ZNF391: variants seen among roughly 807,000 people sequenced by gnomAD.
ZNF391 encodes the protein zinc finger protein 391.
For synonymous variants in ZNF391, 126 were observed against 142.1 expected, an observed-to-expected ratio of 0.89 and a Z score of 0.80; for missense variants, 375 against 425.5, an observed-to-expected ratio of 0.88 and a Z score of 1.04.
chr6:27,382,571 A>C (rs75169630), intron 1 of ZNF391, among the ~76,000 whole-genome samples: 1,702 of 152,306 alleles, frequency 0.011, 18 homozygotes, highest in African/African-American at 0.025. Context: ...TAGAATTCTC[A>C]TACCAGAAAT....
intron 1 of ZNF391, among the ~76,000 whole-genome samples, chr6:27,381,355 G>A (rs983464887): frequency 3.3e-5 from 5 of 152,244 alleles, no homozygotes; most frequent in South Asian, 2.1e-4. Context: ...CTCCGAGTGC[G>A]GGGCCCACCA....
In ZNF391 at chr6:27,374,864, C is replaced by A. The variant is rs1236220477; in HGVS notation, n.250C>A. On this transcript the variant is annotated non_coding_transcript_exon_variant, in exon 1 of 3. Coordinates refer to the ZNF391 transcript ENST00000477999. This position sits in a 1 kb window ranked among gnomAD's most constrained non-coding sequence, Gnocchi z 5.3. ...GTAGCCACAGTCGCCGCCGCTCCTG[C>A]GCCTAGAAGCCTTCCACGACCCTCA... is the stretch of plus-strand genomic sequence containing the variant. 6.6e-6 allele frequency: 1 copy of A among 152,262 alleles called. No individual in the cohort carries two copies. The highest frequency in any genetic ancestry group is 1.5e-5 in the Non-Finnish European group (1 of 68,102). 9.4% of individuals were successfully genotyped at this position (152,262 alleles called of 1,614,324 possible).
At chr6:27,399,757 A>G (rs1325580277) in intron 2 of ZNF391, among the ~76,000 whole-genome samples, 1 of 152,258 alleles carries the variant, frequency 6.6e-6, no homozygotes. Context: ...TACCTGAAGT[A>G]TAATAATTGG....
chr6:27,403,157 AGT>A lies in ZNF391; in HGVS notation c.*1711_*1712del, dbSNP rs564580134. 17 of 148,602 alleles carry A rather than the reference AGT, an allele frequency of 1.1e-4. No individual in the cohort carries two copies. In the East Asian group the frequency reaches 3.4e-3, roughly 29 times the overall value. The allele number at this position is 148,602 out of a possible 1,614,324, so 9.2% of individuals were successfully genotyped here. On this transcript the variant is annotated 3_prime_UTR_variant, in exon 3 of 3. Coordinates refer to ENST00000244576, the MANE Select transcript of ZNF391 (RefSeq NM_001076781.3). ...AACTACTACTTTGTTAAAAAAAAAT[AGT>A]CGTTTCCCAGTGACCTCTGCCCCAA...
chr6:27,401,270 T>A lies in ZNF391; in HGVS notation c.900T>A (p.Ser300Arg), dbSNP rs377530639. 4.3e-6 allele frequency: 7 copies of A among 1,613,960 alleles called. No individual in the cohort carries two copies. The African/African-American group carries it at 9.3e-5, about 22-fold the overall frequency. ...TTACAGAACATCAGAGAATCCACAG[T>A]GGAGAAAAGCCTCACGAGTGTAGAG... ...SSLTEHQRIH[S>R]GEKPHECRVC... The change falls in exon 3 of 3, where the codon AGT (serine) becomes AGA (arginine). Residue 300 changes from serine (S) to arginine (R), a missense_variant. Coordinates refer to ENST00000244576, the MANE Select transcript of ZNF391 (RefSeq NM_001076781.3).
At chr6:27,381,305 C>T (rs1014492837) in intron 1 of ZNF391, among the ~76,000 whole-genome samples, 1 of 152,256 alleles carries the variant, frequency 6.6e-6, no homozygotes, top group Non-Finnish European at 1.5e-5. Flanking sequence ...CAGCCGCTGG[C>T]CCGGGTGCTA....
In ZNF391 at chr6:27,376,997, T is replaced by C. The variant is rs1288771252; in HGVS notation, n.523+1860T>C. 6.6e-6 allele frequency among the ~76,000 whole-genome samples: 1 copy of C among 152,162 alleles called. No homozygotes were observed. Among genetic ancestry groups the C allele is most frequent in the Non-Finnish European group, 1.5e-5 (1 of 68,034 alleles). Reference sequence around the variant, plus strand: ...AATATTAAATGAGTTAATAATGTAATGGTTGTGAGAACACAACCTGGCAAG... The same window carrying C: ...AATATTAAATGAGTTAATAATGTAACGGTTGTGAGAACACAACCTGGCAAG... On this transcript the variant is annotated intron_variant and non_coding_transcript_variant, in intron 1 of 2. Coordinates refer to the ZNF391 transcript ENST00000477999. This position sits in a 1 kb window ranked among gnomAD's most constrained non-coding sequence, Gnocchi z 4.7.
At chr6:27,396,242 A>T (rs1017986018) in intron 1 of ZNF391, among the ~76,000 whole-genome samples, 1 of 152,236 alleles carries the variant, frequency 6.6e-6, no homozygotes, top group African/African-American at 2.4e-5. Context: ...AAGGAAAGTG[A>T]TTTATAATCG....
chr6:27,402,406 A>C lies in ZNF391; in HGVS notation c.*959A>C, dbSNP rs545115762. On this transcript the variant is annotated 3_prime_UTR_variant, in exon 3 of 3. Transcript: ENST00000244576. ...CACTTTTTGCCACTGTTATGCCTTA[A>C]ATCTTGAGCTTCTTTCAGGATCCAT... The C allele has an allele frequency of 6.6e-6, 1 of 152,100 alleles. No homozygotes were observed. Among genetic ancestry groups the C allele is most frequent in the East Asian group, 1.9e-4 (1 of 5,164 alleles). 9.4% of individuals were successfully genotyped at this position (152,100 alleles called of 1,614,324 possible). A position where few individuals can be genotyped will look rare whatever the true frequency, so the allele number is the denominator to read the frequency against.
In ZNF391 at chr6:27,388,764, G is replaced by C. The variant is rs773733797; in HGVS notation, c.-499G>C. Reference sequence around the variant, plus strand: ...CTGATACGTTGCTCAGTCTCAGTGTGGTCTCTGTTTTGCAACTGGTCGTCC... The same window carrying C: ...CTGATACGTTGCTCAGTCTCAGTGTCGTCTCTGTTTTGCAACTGGTCGTCC... On this transcript the variant is annotated 5_prime_UTR_variant, in exon 1 of 3. Coordinates refer to ENST00000244576, the MANE Select transcript of ZNF391 (RefSeq NM_001076781.3). 2.5e-6 allele frequency: 1 copy of C among 402,228 alleles called. No individual in the cohort carries two copies. The highest frequency in any genetic ancestry group is 4.8e-6 in the Non-Finnish European group (1 of 207,124). The allele number at this position is 402,228 out of a possible 1,614,324, so 24.9% of individuals were successfully genotyped here.
rs548909674 is a variant in ZNF391 at position 27,402,907 on chromosome 6, A to G, written c.*1460A>G. 6.6e-6 allele frequency: 1 copy of G among 152,216 alleles called. No individual in the cohort carries two copies. Among genetic ancestry groups the G allele is most frequent in the Non-Finnish European group, 1.5e-5 (1 of 68,036 alleles). 9.4% of individuals were successfully genotyped at this position (152,216 alleles called of 1,614,324 possible). On this transcript the variant is annotated 3_prime_UTR_variant, in exon 3 of 3. Transcript: ENST00000244576. ...ACACCTGCCAGAAATCTTGTTTTTG[A>G]TTGATATAAAACATCACAAAGTACT...
At position 27,400,998 on chromosome 6, in the gene ZNF391, C is replaced by T. The variant is rs1425783470; in HGVS notation, c.628C>T (p.Gln210Ter). The T allele has an allele frequency of 6.2e-7, 1 of 1,614,124 alleles. No individual in the cohort carries two copies. Among genetic ancestry groups the T allele is most frequent in the Non-Finnish European group, 8.5e-7 (1 of 1,179,984 alleles). The change falls in exon 3 of 3, where the codon CAG (glutamine) becomes TAG (stop). Residue 210 changes from glutamine (Q) to a stop codon, truncating the protein, a stop_gained. Coordinates refer to ENST00000244576, the MANE Select transcript of ZNF391 (RefSeq NM_001076781.3). LOFTEE classifies it low-confidence loss of function (END_TRUNC). ...CTTTAGCCGAAGCACTAACCTTAGT[C>T]AGCATCAGCGAACTCATACTCAAGA... The part of the protein sequence containing the change: ...KAFSRSTNLS[Q>*]HQRTHTQERP...
At chr6:27,389,237 T>C in intron 1 of ZNF391, 162 bp downstream of exon 1, 1 of 456,590 alleles carries the variant, frequency 2.2e-6, no homozygotes, top group South Asian at 1.5e-5. Context: ...CTCGTCTCAC[T>C]GGCGGGCCAG....
chr6:27,392,412 T>C (rs1208254659), intron 1 of ZNF391, among the ~76,000 whole-genome samples: 3 of 152,176 alleles, frequency 2.0e-5, no homozygotes, highest in Non-Finnish European at 2.9e-5. Context: ...TGTGCCACCA[T>C]GACTGGCTAA....
intron 1 of ZNF391, among the ~76,000 whole-genome samples, chr6:27,393,733 A>T (rs1302638719): frequency 6.6e-6 from 1 of 152,238 alleles, no homozygotes; most frequent in Non-Finnish European, 1.5e-5. Flanking sequence ...TGTGACAAAA[A>T]TGCTGATAGT....
intron 1 of ZNF391, among the ~76,000 whole-genome samples, chr6:27,393,683 GA>G (rs1298063803): frequency 6.6e-6 from 1 of 152,188 alleles, no homozygotes; most frequent in East Asian, 1.9e-4. Flanking sequence ...ATGGGAAGAT[GA>G]GGGAAAGTTT....
At chr6:27,400,168 G>T in intron 2 of ZNF391, 125 bp from the exon 3 acceptor site, 7 of 471,546 alleles carry the variant, frequency 1.5e-5, no homozygotes, top group Middle Eastern at 5.7e-4. Context: ...ATCCTTTTTT[G>T]TTTACTCCTC....
chr6:27,382,034 C>CAAAAAAAA (rs58338028), intron 1 of ZNF391, among the ~76,000 whole-genome samples: 4 of 88,328 alleles, frequency 4.5e-5, no homozygotes, highest in Non-Finnish European at 6.3e-5. Flanking sequence ...GACTCCATCT[C>CAAAAAAAA]AAAAAAAAAA....
At chr6:27,383,865 C>T (rs1240100886), upstream of ZNF391, among the ~76,000 whole-genome samples, 1 of 151,938 alleles carries the variant, frequency 6.6e-6, no homozygotes, top group Admixed American at 6.6e-5. Context: ...AGAAGTCATA[C>T]AGGGGAAAAA....
Sources: gnomAD v4.1 joint callset for allele counts (sites outside exome capture counted in the v4.1 genomes callset) on GRCh38, gnomAD v4.1.1 for gene constraint, Gnocchi (gnomAD v3.1) non-coding constraint, MANE v1.5 for transcripts, NCBI Gene and HGNC (gene_info 2026-07-23, HGNC 2026-07-21) for gene names.